TXNDC16: variants seen among roughly 807,000 people sequenced by gnomAD.
TXNDC16 encodes thioredoxin domain-containing protein 16.
TXNDC16 carries 74 observed loss-of-function variants against 85.6 expected under a neutral mutation model. The observed-to-expected ratio is 0.86, with a 90% CI of 0.72 to 1.05. The LOEUF is 1.05. TXNDC16 is among the 50% of genes least tolerant of loss of function. The pLI, the probability that TXNDC16 is intolerant of heterozygous loss-of-function variation, is 0.00. For synonymous variants in TXNDC16, 335 were observed against 326.5 expected (o/e 1.03, Z -0.28); for missense variants, 959 against 947.0 (o/e 1.01, Z -0.17).
intron 6 of TXNDC16, among the ~76,000 whole-genome samples, chr14:52,524,415 G>C (rs1288724137): frequency 6.6e-6 from 1 of 152,178 alleles, no homozygotes; most frequent in East Asian, 1.9e-4. Flanking sequence ...TTAATAAAGA[G>C]TTAATGAGAT....
chr14:52,502,591 G>C (rs999315646), intron 9 of TXNDC16, among the ~76,000 whole-genome samples: 3 of 152,166 alleles, frequency 2.0e-5, no homozygotes. Context: ...TACTACAGGG[G>C]GGTGGAGCCA....
At chr14:52,447,672 T>C (rs1278901186) in intron 18 of TXNDC16, among the ~76,000 whole-genome samples, 1 of 152,040 alleles carries the variant, frequency 6.6e-6, no homozygotes, top group African/African-American at 2.4e-5. Flanking sequence ...CTGGAAAAGA[T>C]GACCTCACCA....
chr14:52,449,304 A>G lies in TXNDC16; in HGVS notation c.1842+6020T>C, dbSNP rs568582522. 2.7e-4 allele frequency among the ~76,000 whole-genome samples: 41 copies of G among 152,254 alleles called. 2 individuals are homozygous for G. The South Asian group carries it at 8.3e-3, about 31-fold the overall frequency. ...AAAAAGAGCAGGAGTCGTTATACTG[A>G]TATCAGACAAAATAGATTTCAAGAC... On this transcript the variant is annotated intron_variant, in intron 18 of 20. Transcript: ENST00000281741.
intron 18 of TXNDC16, among the ~76,000 whole-genome samples, chr14:52,449,305 T>C (rs1300382101): frequency 3.3e-5 from 5 of 152,052 alleles, no homozygotes; most frequent in Non-Finnish European, 7.4e-5. Context: ...GTTATACTGA[T>C]ATCAGACAAA....
chr14:52,440,507 T>C, intron 19 of TXNDC16, 57 bp downstream of exon 19: 1 of 1,378,070 alleles, frequency 7.3e-7, no homozygotes, highest in South Asian at 1.7e-5. Context: ...CTAATGAAAA[T>C]GTAATAATTA....
rs891008305 is a variant in TXNDC16, at chr14:52,515,403, G to T, written c.515-433C>A. ...AAGGCATATAATATACAACAAACTT[G>T]TGGTAGATTCTTTCCAGTAGTAGGG... is the stretch of plus-strand genomic sequence containing the variant. On this transcript the variant is annotated intron_variant, in intron 7 of 20. Coordinates refer to ENST00000281741, the MANE Select transcript of TXNDC16 (RefSeq NM_020784.3). 2.0e-5 allele frequency among the ~76,000 whole-genome samples: 3 copies of T among 151,546 alleles called. No individual in the cohort carries two copies. The East Asian group carries it at 5.8e-4, about 29-fold the overall frequency.
chr14:52,549,668 G>C (rs1361538472), intron 1 of TXNDC16, among the ~76,000 whole-genome samples: 2 of 146,096 alleles, frequency 1.4e-5, no homozygotes, highest in East Asian at 4.0e-4. Context: ...TCTGAACAGA[G>C]TCTCTGTCAC....
chr14:52,497,426 C>T (rs142480804), intron 9 of TXNDC16, among the ~76,000 whole-genome samples: 3 of 152,274 alleles, frequency 2.0e-5, no homozygotes, highest in African/African-American at 4.8e-5. Flanking sequence ...TCCTTCTTAA[C>T]CTCTTCCAAA....
chr14:52,433,211 A>G (rs2034948162), intron 20 of TXNDC16, among the ~76,000 whole-genome samples: 1 of 152,210 alleles, frequency 6.6e-6, no homozygotes, highest in African/African-American at 2.4e-5. Context: ...TGTACTATAC[A>G]TAGTGATTAA....
At chr14:52,457,040 TA>T in intron 17 of TXNDC16, 49 bp downstream of exon 17, 1 of 1,256,044 alleles carries the variant, frequency 8.0e-7, no homozygotes, top group East Asian at 2.5e-5. Flanking sequence ...TAGATAACAT[TA>T]TTTTGCATAA....
chr14:52,515,528 GA>G (rs1446731152), intron 7 of TXNDC16, among the ~76,000 whole-genome samples: 1 of 151,776 alleles, frequency 6.6e-6, no homozygotes, highest in Non-Finnish European at 1.5e-5. Context: ...AACTTACACT[GA>G]AAGAAAACAA....
chr14:52,537,732 G>A (rs2037735965), intron 4 of TXNDC16, 60 bp from the exon 5 acceptor site: 1 of 978,342 alleles, frequency 1.0e-6, no homozygotes, highest in Non-Finnish European at 1.6e-6. Flanking sequence ...TTCTTGGTTG[G>A]GGAAACAAGA....
chr14:52,494,936 C>G (rs2036496797), intron 9 of TXNDC16, among the ~76,000 whole-genome samples: 1 of 152,068 alleles, frequency 6.6e-6, no homozygotes, highest in Admixed American at 6.6e-5. Flanking sequence ...ATGTGTTGTG[C>G]TTAAGGAGGG....
chr14:52,543,624 A>G lies in TXNDC16; in HGVS notation c.-67T>C. The G allele has an allele frequency of 6.4e-7, 1 of 1,552,580 alleles. No individual in the cohort carries two copies. The highest frequency in any genetic ancestry group is 8.7e-7 in the Non-Finnish European group (1 of 1,143,498). Reference sequence around the variant, plus strand: ...TCACTGCTGTGTTCTGTTTCCTAAGACAACACCTGGCACAGAGAAGGTATT... The same window carrying G: ...TCACTGCTGTGTTCTGTTTCCTAAGGCAACACCTGGCACAGAGAAGGTATT... On this transcript the variant is annotated 5_prime_UTR_variant, in exon 3 of 21. Coordinates refer to ENST00000281741, the MANE Select transcript of TXNDC16 (RefSeq NM_020784.3).
chr14:52,546,157 C>T (rs1468628282), intron 1 of TXNDC16, among the ~76,000 whole-genome samples: 1 of 152,032 alleles, frequency 6.6e-6, no homozygotes, highest in Non-Finnish European at 1.5e-5. Context: ...CATGGTGGCA[C>T]ACACCTGTAG....
At chr14:52,531,738 T>C (rs915465340) in intron 6 of TXNDC16, among the ~76,000 whole-genome samples, 5 of 152,200 alleles carry the variant, frequency 3.3e-5, no homozygotes, top group South Asian at 4.1e-4. Flanking sequence ...AAATGTGTCA[T>C]ACATTTGTCA....
intron 7 of TXNDC16, 41 bp downstream of exon 7, chr14:52,519,131 A>G (rs780780946): frequency 1.3e-6 from 2 of 1,587,530 alleles, no homozygotes; most frequent in South Asian, 1.2e-5. Context: ...ATACATAAGT[A>G]CAGAGGCACA....
intron 20 of TXNDC16, among the ~76,000 whole-genome samples, chr14:52,435,247 T>A (rs1330131310): frequency 6.8e-6 from 1 of 147,532 alleles, no homozygotes; most frequent in African/African-American, 2.5e-5. Context: ...GTTTTGAACA[T>A]GTCTGCTTTT....
chr14:52,484,325 A>G (rs976462904), intron 12 of TXNDC16, among the ~76,000 whole-genome samples: 6 of 152,172 alleles, frequency 3.9e-5, no homozygotes, highest in African/African-American at 1.4e-4. Context: ...CAACACATTA[A>G]AAAGAAAGAA....
Sources: allele counts gnomAD v4.1 joint callset (sites outside exome capture counted in the v4.1 genomes callset), GRCh38; gene constraint gnomAD v4.1.1; transcripts MANE v1.5; gene names NCBI Gene and HGNC (gene_info 2026-07-23, HGNC 2026-07-21).